Variants in LRBA observed in about 807,000 individuals in gnomAD.
The protein encoded by LRBA is lipopolysaccharide-responsive and beige-like anchor protein.
A neutral mutation model predicts 330.0 loss-of-function variants in LRBA; 176 were observed. That is an observed-to-expected ratio of 0.53 (90% confidence interval 0.47 to 0.60). LRBA has a LOEUF of 0.60. Ranked by LOEUF, LRBA falls within the 20% of genes least tolerant of loss-of-function variation. The pLI is 0.00. For synonymous variants in LRBA, 1,230 were observed against 1,193.0 expected, an observed-to-expected ratio of 1.03 and a Z score of -0.64; for missense variants, 3,259 against 3,444.8, an observed-to-expected ratio of 0.95 and a Z score of 1.35.
At chr4:150,432,453 C>CTTTT (rs35393002) in intron 46 of LRBA, among the ~76,000 whole-genome samples, 2,914 of 98,164 alleles carry the variant, frequency 0.03, 348 homozygotes, top group East Asian at 0.083. Context: ...TAAGTGTGTT[C>CTTTT]TTTTTTTTTT....
chr4:150,596,457 C>T (rs1773497437), intron 38 of LRBA, among the ~76,000 whole-genome samples: 1 of 151,892 alleles, frequency 6.6e-6, no homozygotes, highest in Middle Eastern at 3.4e-3. Context: ...TAAGATTCTG[C>T]ATTTTTAAAA....
chr4:150,453,673 G>T (rs1753664180), intron 44 of LRBA, among the ~76,000 whole-genome samples: 1 of 152,114 alleles, frequency 6.6e-6, no homozygotes, highest in Non-Finnish European at 1.5e-5. Context: ...CTGTAAGACA[G>T]TCTCTAATAT....
rs569846866 is a variant in LRBA at position 150,745,232 on chromosome 4, A to G, written c.5646-9866T>C. On this transcript the variant is annotated intron_variant, in intron 35 of 56. Coordinates refer to ENST00000651943, the MANE Select transcript of LRBA (RefSeq NM_001364905.1). ...TAAGCTGAGTCTAGACTTCTGACCC[A>G]CAGAAACTGTAGGATAGTAAACATA... is the stretch of plus-strand genomic sequence containing the variant. Among the ~76,000 whole-genome samples, 15 of 152,344 alleles carry G rather than the reference A, an allele frequency of 9.8e-5. No individual in the cohort carries two copies. In the South Asian group the frequency reaches 2.3e-3, roughly 23 times the overall value.
chr4:150,748,670 G>GA (rs554679047), intron 35 of LRBA, among the ~76,000 whole-genome samples: 8,783 of 115,888 alleles, frequency 0.076, 741 homozygotes, highest in African/African-American at 0.23. Flanking sequence ...CCATCTCACA[G>GA]AAAAAAAAAA....
In LRBA at chr4:150,850,779, G is replaced by A. The variant is rs771126751; in HGVS notation, c.3949C>T (p.Arg1317Cys). The change falls in exon 24 of 57, where the codon CGT becomes TGT. Residue 1317 changes from arginine (R) to cysteine (C), a missense_variant. By Grantham distance (180) the Arg-to-Cys change is radical. Coordinates refer to ENST00000651943, the MANE Select transcript of LRBA (RefSeq NM_001364905.1). ...GAAAATAATAGATCAGTGAGCAAACGTTGATGCATCTGAGACCAGTTGAAC... is the reference window on the plus strand; with the variant it reads ...GAAAATAATAGATCAGTGAGCAAACATTGATGCATCTGAGACCAGTTGAAC... ...PEFNWSQMHQRLLTDLLFSIE... is the reference protein window; with the variant it reads ...PEFNWSQMHQCLLTDLLFSIE... 4.3e-6 allele frequency: 7 copies of A among 1,613,338 alleles called. No homozygotes were observed. The highest frequency in any genetic ancestry group is 2.7e-5 in the African/African-American group (2 of 74,904).
intron 53 of LRBA, among the ~76,000 whole-genome samples, chr4:150,296,795 G>A (rs574798315): frequency 1.3e-5 from 2 of 152,162 alleles, no homozygotes; most frequent in African/African-American, 4.8e-5. Flanking sequence ...TTTCTCTTAC[G>A]AAATGAGCGT....
chr4:150,656,900 C>G (rs1780243516), intron 37 of LRBA, among the ~76,000 whole-genome samples: 1 of 152,166 alleles, frequency 6.6e-6, no homozygotes, highest in South Asian at 2.1e-4. Context: ...GAAACAGTAT[C>G]TGCCTTAAGA....
At chr4:150,668,451 A>G (rs1269839978) in intron 37 of LRBA, among the ~76,000 whole-genome samples, 1 of 152,192 alleles carries the variant, frequency 6.6e-6, no homozygotes, top group Non-Finnish European at 1.5e-5. Flanking sequence ...GTAAAAAGCA[A>G]TTCACTCTAG....
chr4:150,488,237 T>G (rs1758123159), intron 41 of LRBA, among the ~76,000 whole-genome samples: 1 of 151,648 alleles, frequency 6.6e-6, no homozygotes, highest in African/African-American at 2.4e-5. Flanking sequence ...CAGAAACAAA[T>G]ATTAAAAATT....
chr4:150,872,170 A>C lies in LRBA; in HGVS notation c.2258+493T>G, dbSNP rs898341205. Among the ~76,000 whole-genome samples, 7 of 152,346 alleles carry C rather than the reference A, an allele frequency of 4.6e-5. No homozygotes were observed. In the East Asian group the frequency reaches 1.2e-3, roughly 25 times the overall value. On this transcript the variant is annotated intron_variant, in intron 18 of 56. Coordinates refer to ENST00000651943, the MANE Select transcript of LRBA (RefSeq NM_001364905.1). Reference sequence around the variant, plus strand: ...GATTCCTAAAGACTTCAGTTTACCAACACTTGTTCTACCCCCAAAATTTTC... The same window carrying C: ...GATTCCTAAAGACTTCAGTTTACCACCACTTGTTCTACCCCCAAAATTTTC...
At chr4:150,340,098 T>C (rs186327953) in intron 48 of LRBA, among the ~76,000 whole-genome samples, 4 of 152,272 alleles carry the variant, frequency 2.6e-5, no homozygotes, top group Non-Finnish European at 5.9e-5. Context: ...AAGAAGGATA[T>C]GTTTGCTTCC....
At chr4:150,461,324 AT>A (rs1415420362) in intron 44 of LRBA, among the ~76,000 whole-genome samples, 3 of 151,948 alleles carry the variant, frequency 2.0e-5, no homozygotes, top group South Asian at 2.1e-4. Context: ...ACGTTAAGAA[AT>A]ATGTTACTTT....
chr4:150,656,870 C>A (rs927368642), intron 37 of LRBA, among the ~76,000 whole-genome samples: 1 of 151,980 alleles, frequency 6.6e-6, no homozygotes, highest in Non-Finnish European at 1.5e-5. Flanking sequence ...TCATAAGGCA[C>A]CATGAAAGTA....
intron 31 of LRBA, among the ~76,000 whole-genome samples, chr4:150,816,279 A>T (rs1000841139): frequency 6.6e-6 from 1 of 152,010 alleles, no homozygotes; most frequent in Non-Finnish European, 1.5e-5. Context: ...TCAACCTAGA[A>T]TCATAAGATG....
intron 44 of LRBA, among the ~76,000 whole-genome samples, chr4:150,455,118 C>T (rs1433723616): frequency 7.1e-6 from 1 of 140,320 alleles, no homozygotes; most frequent in Non-Finnish European, 1.5e-5. Context: ...AATGCTATCC[C>T]CTCCCCCACC....
chr4:150,732,134 CCTT>C (rs970116965), intron 36 of LRBA, among the ~76,000 whole-genome samples: 51 of 152,066 alleles, frequency 3.4e-4, no homozygotes, highest in African/African-American at 1.2e-3. Context: ...AATTTATTAA[CCTT>C]CTATTCTTTC....
intron 42 of LRBA, 57 bp from the exon 43 acceptor site, chr4:150,471,796 G>A: frequency 1.2e-6 from 1 of 830,166 alleles, no homozygotes; most frequent in Non-Finnish European, 2.0e-6. Flanking sequence ...AATAAATCAT[G>A]AATTATCTGT....
At chr4:150,645,744 T>C (rs1477449329) in intron 37 of LRBA, among the ~76,000 whole-genome samples, 2 of 151,920 alleles carry the variant, frequency 1.3e-5, no homozygotes, top group Non-Finnish European at 2.9e-5. Flanking sequence ...ACATTAATAA[T>C]TGACAATATT....
intron 47 of LRBA, among the ~76,000 whole-genome samples, chr4:150,357,216 A>T (rs1737963908): frequency 6.6e-6 from 1 of 152,042 alleles, no homozygotes; most frequent in East Asian, 1.9e-4. Flanking sequence ...AGTGTGAGTT[A>T]GTATCGTATC....
Sources: gnomAD v4.1 joint callset for allele counts (sites outside exome capture counted in the v4.1 genomes callset) on GRCh38, gnomAD v4.1.1 for gene constraint, MANE v1.5 for transcripts, NCBI Gene and HGNC (gene_info 2026-07-23, HGNC 2026-07-21) for gene names.